Variants in MECR observed in about 807,000 individuals in gnomAD.
The protein encoded by MECR is enoyl-[acyl-carrier-protein] reductase, mitochondrial.
A neutral mutation model predicts 49.1 loss-of-function variants in MECR; 37 were observed. The ratio of observed to expected loss-of-function variants is 0.75; its 90% CI spans 0.58 to 0.99. The LOEUF is 0.99. MECR is among the 50% of genes least tolerant of loss of function. The probability of loss-of-function intolerance (pLI) is 0.00; values close to 1 mark genes in which losing one functional copy is unlikely to be tolerated. For synonymous variants in MECR, 198 were observed against 191.1 expected, an observed-to-expected ratio of 1.04 and a Z score of -0.30; for missense variants, 470 against 479.6, an observed-to-expected ratio of 0.98 and a Z score of 0.19.
intron 4 of MECR, among the ~76,000 whole-genome samples, chr1:29,203,794 G>A (rs554738134): frequency 6.6e-6 from 1 of 152,360 alleles, no homozygotes; most frequent in South Asian, 2.1e-4. Context: ...AGCTTCTTGA[G>A]AGGGAAGGGT....
intron 7 of MECR, chr1:29,200,178 T>A (rs572787286): frequency 2.9e-4 from 52 of 177,394 alleles, no homozygotes; most frequent in African/African-American, 1.2e-3. Context: ...TAATACAAAT[T>A]TTGAAAGGTT....
At position 29,201,663 on chromosome 1, in the gene MECR, G is replaced by C; in HGVS notation, c.756+280C>G. On this transcript the variant is annotated intron_variant, in intron 6 of 9. Coordinates refer to ENST00000263702, the MANE Select transcript of MECR (RefSeq NM_016011.5). The surrounding 1 kb of genome is among the most constrained non-coding windows in gnomAD (Gnocchi z 4.3). ...AGGTCCTCTCCTGCCAGTTCTAAGA[G>C]TCACACATGTGGGCTGATGCGGCCC... The C allele has an allele frequency of 1.9e-6, 1 of 535,768 alleles. No individual in the cohort carries two copies. Among genetic ancestry groups the C allele is most frequent in the Non-Finnish European group, 3.4e-6 (1 of 295,168 alleles). 33.2% of individuals were successfully genotyped at this position (535,768 alleles called of 1,614,324 possible). A position where few individuals can be genotyped will look rare whatever the true frequency, so the allele number is the denominator to read the frequency against.
At chr1:29,218,218 G>A (rs1679942160) in intron 1 of MECR, among the ~76,000 whole-genome samples, 1 of 152,202 alleles carries the variant, frequency 6.6e-6, no homozygotes, top group Non-Finnish European at 1.5e-5. Flanking sequence ...CAATGTGCAT[G>A]TGTTACTTTT....
Position 29,203,211 on chromosome 1 carries a change from T to C in MECR, c.573A>G (p.Ala191=). 1 of 1,581,666 alleles carries C rather than the reference T, an allele frequency of 6.3e-7. No homozygotes were observed. The highest frequency in any genetic ancestry group is 1.7e-4 in the Middle Eastern group (1 of 6,024). ...CTGCTTGCCCCACTCCGCTGTTGGATGCATTCTGGATGACAGAATCCCCTG... is the reference window on the plus strand; with the variant it reads ...CTGCTTGCCCCACTCCGCTGTTGGACGCATTCTGGATGACAGAATCCCCTG... ...LQPGDSVIQN[A]SNSGVGQAVI... The change falls in exon 5 of 10, where the codon GCA becomes GCG. Residue 191 remains alanine (A), a synonymous_variant. Transcript: ENST00000263702.
chr1:29,212,827 C>T (rs1428131667), intron 3 of MECR, among the ~76,000 whole-genome samples: 1 of 152,216 alleles, frequency 6.6e-6, no homozygotes, highest in Non-Finnish European at 1.5e-5. Flanking sequence ...GACCCAGCCC[C>T]ACCCCACCTT....
At chr1:29,202,796 C>T (rs1675633331) in intron 5 of MECR, among the ~76,000 whole-genome samples, 2 of 152,176 alleles carry the variant, frequency 1.3e-5, no homozygotes, top group South Asian at 4.1e-4. Flanking sequence ...AATAATACAG[C>T]TCAAATCATT....
intron 3 of MECR, among the ~76,000 whole-genome samples, chr1:29,211,250 G>A (rs1388154987): frequency 6.6e-6 from 1 of 152,094 alleles, no homozygotes; most frequent in Non-Finnish European, 1.5e-5. Context: ...CTAATTTTTT[G>A]TAGAGATGGA....
chr1:29,181,820 G>A, the MECR span: 4 of 1,341,480 alleles, frequency 3.0e-6, no homozygotes, highest in Admixed American at 6.5e-5. Context: ...CAAAGCGAGA[G>A]CACGGCGGCA....
chr1:29,212,798 G>A (rs746605417), intron 3 of MECR, among the ~76,000 whole-genome samples: 3 of 152,140 alleles, frequency 2.0e-5, no homozygotes, highest in Non-Finnish European at 2.9e-5. Flanking sequence ...CCCTCGCACC[G>A]TGGATGCAGG....
intron 3 of MECR, among the ~76,000 whole-genome samples, chr1:29,208,879 G>C (rs1272945534): frequency 6.6e-6 from 1 of 152,224 alleles, no homozygotes; most frequent in African/African-American, 2.4e-5. Flanking sequence ...TGGGAGTCAA[G>C]GATACTTCTC....
At chr1:29,196,869 C>T (rs1674132451) in intron 7 of MECR, among the ~76,000 whole-genome samples, 1 of 151,098 alleles carries the variant, frequency 6.6e-6, no homozygotes, top group African/African-American at 2.4e-5. Flanking sequence ...ATTAGCTGGG[C>T]ACGGTGATAC....
chr1:29,172,708 T>C, the MECR span: 1 of 152,304 alleles, frequency 6.6e-6, no homozygotes, highest in South Asian at 2.1e-4. Context: ...TTTGGTTATA[T>C]GCACTGAGAT....
downstream of MECR, among the ~76,000 whole-genome samples, chr1:29,190,384 C>T (rs570652045): frequency 6.6e-6 from 1 of 151,860 alleles, no homozygotes; most frequent in East Asian, 1.9e-4. Flanking sequence ...AAAAAAAAAC[C>T]GTAGTCAAAG....
intron 4 of MECR, among the ~76,000 whole-genome samples, chr1:29,204,476 A>G (rs1676087461): frequency 6.6e-6 from 1 of 152,114 alleles, no homozygotes; most frequent in Non-Finnish European, 1.5e-5. Flanking sequence ...TAAAGTTAAA[A>G]TTGAGAAGAG....
chr1:29,181,807 G>T, the MECR span: 2 of 1,451,386 alleles, frequency 1.4e-6, no homozygotes, highest in East Asian at 2.8e-5. Flanking sequence ...AGGCGGCGGC[G>T]GGCAAAGCGA....
intron 4 of MECR, among the ~76,000 whole-genome samples, chr1:29,204,264 C>T (rs750705471): frequency 1.1e-4 from 17 of 151,898 alleles, no homozygotes; most frequent in Non-Finnish European, 1.9e-4. Context: ...GCATCGTGTC[C>T]GGGAAAGTGC....
the MECR span, among the ~76,000 whole-genome samples, chr1:29,174,202 A>G: frequency 1.2e-4 from 1 of 8,044 alleles, no homozygotes; most frequent in Non-Finnish European, 6.6e-4. Flanking sequence ...TCAAAAAAAA[A>G]AAGAAAAAAG....
intron 4 of MECR, among the ~76,000 whole-genome samples, chr1:29,203,841 G>A (rs1318619430): frequency 2.0e-5 from 3 of 152,238 alleles, no homozygotes; most frequent in East Asian, 1.9e-4. Context: ...TAATAAAGGT[G>A]CACTGCCTTG....
chr1:29,220,039 C>T (rs1680379192), intron 1 of MECR, among the ~76,000 whole-genome samples: 1 of 152,014 alleles, frequency 6.6e-6, no homozygotes, highest in Non-Finnish European at 1.5e-5. Context: ...AGTCTTAACT[C>T]ACTGTTGAGC....
Sources: allele counts gnomAD v4.1 joint callset (sites outside exome capture counted in the v4.1 genomes callset), GRCh38; gene constraint gnomAD v4.1.1; non-coding constraint Gnocchi (gnomAD v3.1); transcripts MANE v1.5; gene names NCBI Gene and HGNC (gene_info 2026-07-23, HGNC 2026-07-21).